The following TC2N variants were observed in gnomAD, a reference collection of about 807,000 sequenced individuals.
TC2N encodes tandem C2 domains, nuclear.
TC2N carries 51 observed loss-of-function variants against 61.9 expected under a neutral mutation model. That is an observed-to-expected ratio of 0.82 (90% confidence interval 0.66 to 1.04). The LOEUF (loss-of-function observed/expected upper bound fraction) is 1.04. TC2N is among the 50% of genes least tolerant of loss of function. The pLI, the probability that TC2N is intolerant of heterozygous loss-of-function variation, is 0.00. For synonymous variants in TC2N, 204 were observed against 192.6 expected, an observed-to-expected ratio of 1.06 and a Z score of -0.49; for missense variants, 556 against 566.7, an observed-to-expected ratio of 0.98 and a Z score of 0.19.
At chr14:91,851,163 C>T (rs1888367548) in intron 1 of TC2N, among the ~76,000 whole-genome samples, 1 of 152,162 alleles carries the variant, frequency 6.6e-6, no homozygotes, top group African/African-American at 2.4e-5. Flanking sequence ...CACCCCTAGT[C>T]CATGGAAAAA....
rs78813063 is a variant in TC2N at position 91,816,378 on chromosome 14, G to A, written c.-56-2553C>T. 5.8e-3 allele frequency among the ~76,000 whole-genome samples: 874 copies of A among 151,900 alleles called. 28 individuals carry two copies. In the South Asian group the frequency reaches 0.079, roughly 14 times the overall value. ...AATTTATATCTCTCTTATTATAAGT[G>A]ATGTTGAGCTTCTTGTCATATAAGA... On this transcript the variant is annotated intron_variant, in intron 1 of 11. Transcript: ENST00000435962.
intron 1 of TC2N, among the ~76,000 whole-genome samples, chr14:91,821,888 A>C (rs559269968): frequency 6.6e-6 from 1 of 152,308 alleles, no homozygotes; most frequent in South Asian, 2.1e-4. Flanking sequence ...GTGGCCAAAA[A>C]GCACATGAAA....
chr14:91,831,612 T>A (rs1338152683), intron 1 of TC2N, among the ~76,000 whole-genome samples: 2 of 151,922 alleles, frequency 1.3e-5, no homozygotes, highest in African/African-American at 2.4e-5. Context: ...ATCACTGAAA[T>A]GAAAAACAGA....
At chr14:91,857,167 G>C (rs779495013) in intron 1 of TC2N, among the ~76,000 whole-genome samples, 8 of 152,140 alleles carry the variant, frequency 5.3e-5, no homozygotes, top group Non-Finnish European at 7.3e-5. Flanking sequence ...GATCCTTTCA[G>C]TTGTCATGGA....
At position 91,785,344 on chromosome 14, in the gene TC2N, C is replaced by T. The variant is rs758068918; in HGVS notation, c.1180G>A (p.Gly394Arg). 1.9e-6 allele frequency: 3 copies of T among 1,612,012 alleles called. No individual in the cohort carries two copies. Among genetic ancestry groups the T allele is most frequent in the Admixed American group, 1.7e-5 (1 of 59,744 alleles). Residue 394 changes from glycine to arginine, a missense_variant, in exon 11 of 12, where the codon GGA becomes AGA. Gly to Arg is a moderately radical substitution (Grantham distance 125). Coordinates refer to ENST00000435962, the MANE Select transcript of TC2N (RefSeq NM_001128596.3). Reference sequence around the variant, plus strand: ...ATCAACTCTCCCGAGCTAAACATTCCCACCTTCACGAAAAAACCTAAAAAA... The same window carrying T: ...ATCAACTCTCCCGAGCTAAACATTCTCACCTTCACGAAAAAACCTAAAAAA... ...PLTLSFFVKVGMFSSGELIYK... is the reference protein window; with the variant it reads ...PLTLSFFVKVRMFSSGELIYK...
rs1885708558 is a variant in TC2N at position 91,792,493 on chromosome 14, A to G, written c.921T>C (p.Leu307=). 2 of 1,609,620 alleles carry G rather than the reference A, an allele frequency of 1.2e-6. No individual in the cohort carries two copies. Among genetic ancestry groups the G allele is most frequent in the East Asian group, 4.5e-5 (2 of 44,782 alleles). ...IKLQNLQTVR[L]VFKIQTQTPR... is the part of the protein sequence containing the mutation. ...GAGTCTGGGTTTGAATCTTAAATAC[A>G]AGTCTTACAGTTTGTAGATTTTGAA... Residue 307 remains leucine, a synonymous_variant, in exon 9 of 12, where the codon CTT becomes CTC. Coordinates refer to ENST00000435962, the MANE Select transcript of TC2N (RefSeq NM_001128596.3).
chr14:91,843,053 T>G (rs1446444194), intron 1 of TC2N, among the ~76,000 whole-genome samples: 2 of 152,030 alleles, frequency 1.3e-5, no homozygotes, highest in Non-Finnish European at 2.9e-5. Flanking sequence ...TTAAGAGACT[T>G]CATGTGTTTC....
chr14:91,822,839 C>T (rs1481164513), intron 1 of TC2N, among the ~76,000 whole-genome samples: 3 of 151,832 alleles, frequency 2.0e-5, no homozygotes, highest in African/African-American at 7.3e-5. Context: ...CTTAGCCTCC[C>T]AAGTAGCTGG....
At chr14:91,820,822 C>CA (rs910550134) in intron 1 of TC2N, among the ~76,000 whole-genome samples, 17 of 151,730 alleles carry the variant, frequency 1.1e-4, no homozygotes, top group Non-Finnish European at 2.2e-4. Context: ...ATGAACACTC[C>CA]AAAAATGAAA....
chr14:91,792,727 G>T (rs1200436884), intron 8 of TC2N, among the ~76,000 whole-genome samples, 169 bp from the exon 9 acceptor site: 1 of 152,068 alleles, frequency 6.6e-6, no homozygotes, highest in Non-Finnish European at 1.5e-5. Context: ...TTTTTCTAGA[G>T]TTTATCCTGG....
chr14:91,842,358 A>ATT (rs1045695233), intron 1 of TC2N, among the ~76,000 whole-genome samples: 1 of 152,190 alleles, frequency 6.6e-6, no homozygotes, highest in Non-Finnish European at 1.5e-5. Flanking sequence ...TTGGGTAAAA[A>ATT]TTATGCCCTA....
chr14:91,804,395 C>T (rs1483591386), intron 3 of TC2N, among the ~76,000 whole-genome samples: 3 of 151,992 alleles, frequency 2.0e-5, no homozygotes, highest in African/African-American at 4.8e-5. Context: ...TAAGAATGTT[C>T]GTAAGTATTA....
In TC2N at chr14:91,863,379, T is replaced by G. The variant is rs952074155; in HGVS notation, c.-57+3883A>C. ...CACCAAGCAAGGAGAATTGGGCAGCTCACGCCTAAGACCTGACCTCCCCAA... is the reference window on the plus strand; with the variant it reads ...CACCAAGCAAGGAGAATTGGGCAGCGCACGCCTAAGACCTGACCTCCCCAA... On this transcript the variant is annotated intron_variant, in intron 1 of 11. Coordinates refer to ENST00000435962, the MANE Select transcript of TC2N (RefSeq NM_001128596.3). 1.2e-4 allele frequency among the ~76,000 whole-genome samples: 18 copies of G among 152,126 alleles called. 1 individual carries two copies. The highest frequency in any genetic ancestry group is 6.5e-5 in the Admixed American group (1 of 15,274).
chr14:91,783,060 A>C lies in TC2N; in HGVS notation c.*40T>G, dbSNP rs1295890288. The C allele has an allele frequency of 7.7e-7, 1 of 1,304,510 alleles. No individual in the cohort carries two copies. Among genetic ancestry groups the C allele is most frequent in the African/African-American group, 1.5e-5 (1 of 68,660 alleles). 80.8% of individuals were successfully genotyped at this position (1,304,510 alleles called of 1,614,324 possible). On this transcript the variant is annotated 3_prime_UTR_variant, in exon 12 of 12. Transcript: ENST00000435962. Reference sequence around the variant, plus strand: ...CAAATTGAAATCATAAGTCTTCTAAAAGAATGTCAAGTTCTTCACCAAATT... The same window carrying C: ...CAAATTGAAATCATAAGTCTTCTAACAGAATGTCAAGTTCTTCACCAAATT...
chr14:91,811,570 CTATT>C (rs1886770332), intron 3 of TC2N, among the ~76,000 whole-genome samples: 1 of 151,918 alleles, frequency 6.6e-6, no homozygotes, highest in African/African-American at 2.4e-5. Context: ...ATTCAAGTAA[CTATT>C]TAGACTGGGA....
At chr14:91,783,279 T>A in intron 11 of TC2N, 69 bp from the exon 12 acceptor site, 1 of 821,188 alleles carries the variant, frequency 1.2e-6, no homozygotes, top group Non-Finnish European at 2.0e-6. Flanking sequence ...GACAGTTAGT[T>A]ACTCTTACTG....
In TC2N at chr14:91,860,742, G is replaced by GC. The variant is rs1296809060; in HGVS notation, c.-57+6519dup. Among the ~76,000 whole-genome samples the GC allele has an allele frequency of 2.0e-5, 3 of 152,142 alleles. No individual in the cohort carries two copies. In the East Asian group the frequency reaches 5.8e-4, roughly 29 times the overall value. On this transcript the variant is annotated intron_variant, in intron 1 of 11. Coordinates refer to ENST00000435962, the MANE Select transcript of TC2N (RefSeq NM_001128596.3). The stretch of plus-strand genomic sequence containing the variant: ...TCATCCTTTAAGCCATAGCCAAATA[G>GC]CAACTCCACTGTGAAAAAGTGGTCT...
intron 1 of TC2N, among the ~76,000 whole-genome samples, chr14:91,840,670 A>T (rs1888147183): frequency 6.6e-6 from 1 of 152,232 alleles, no homozygotes; most frequent in Admixed American, 6.5e-5. Context: ...AAAGAGAAAA[A>T]TAAAAAGGCT....
chr14:91,858,002 G>A (rs1278105006), intron 1 of TC2N, among the ~76,000 whole-genome samples: 2 of 152,106 alleles, frequency 1.3e-5, no homozygotes, highest in African/African-American at 2.4e-5. Flanking sequence ...GTATTACTCT[G>A]TTGCCCAGGC....
Sources: allele counts gnomAD v4.1 joint callset (sites outside exome capture counted in the v4.1 genomes callset), GRCh38; gene constraint gnomAD v4.1.1; transcripts MANE v1.5; gene names NCBI Gene and HGNC (gene_info 2026-07-23, HGNC 2026-07-21).